The following RANBP17 variants were observed in gnomAD, a reference collection of about 807,000 sequenced individuals.
RANBP17 encodes the protein ran-binding protein 17.
In RANBP17, 158 loss-of-function variants were observed where a neutral mutation model predicts 141.2. The ratio of observed to expected loss-of-function variants is 1.12; its 90% CI spans 0.98 to 1.28. The LOEUF is 1.28. Ranked by LOEUF, RANBP17 falls within the 50% of genes most tolerant of loss-of-function variation. The pLI is 0.00. For missense variants in RANBP17, 1,438 were observed against 1,290.7 expected (o/e 1.11, Z -1.75); for synonymous variants, 430 against 450.0 (o/e 0.96, Z 0.56).
chr5:171,022,190 T>A (rs1780908818), intron 14 of RANBP17, among the ~76,000 whole-genome samples: 1 of 152,172 alleles, frequency 6.6e-6, no homozygotes, highest in Non-Finnish European at 1.5e-5. Flanking sequence ...GATCTTTGAC[T>A]TTGAGGGGCG....
intron 14 of RANBP17, among the ~76,000 whole-genome samples, chr5:171,152,523 G>A (rs952006128): frequency 6.6e-6 from 1 of 152,018 alleles, no homozygotes; most frequent in Non-Finnish European, 1.5e-5. Context: ...CTTGTCCTAG[G>A]GTTCTTCCCA....
At chr5:171,127,663 TCTC>T (rs1043428439) in intron 14 of RANBP17, among the ~76,000 whole-genome samples, 11 of 152,294 alleles carry the variant, frequency 7.2e-5, no homozygotes, top group Admixed American at 7.2e-4. Context: ...TGAAGTGTCT[TCTC>T]ATCGCAGTTA....
intron 18 of RANBP17, 54 bp from the exon 19 acceptor site, chr5:171,199,616 A>G (rs1457299355): frequency 9.1e-7 from 1 of 1,101,596 alleles, no homozygotes; most frequent in East Asian, 2.4e-5. Context: ...TGCTGAGGAC[A>G]ATGTACAATT....
intron 24 of RANBP17, chr5:171,252,964 C>T: frequency 7.0e-7 from 1 of 1,429,974 alleles, no homozygotes; most frequent in Non-Finnish European, 9.8e-7. Flanking sequence ...TGGTTACATC[C>T]TTTTCTATCA....
rs544308170 is a variant in RANBP17, at chr5:171,055,483, G to A, written c.1710+87106G>A. Among the ~76,000 whole-genome samples, 3 of 152,160 alleles carry A rather than the reference G, an allele frequency of 2.0e-5. No homozygotes were observed. In the South Asian group the frequency reaches 6.2e-4, roughly 32 times the overall value. On this transcript the variant is annotated intron_variant, in intron 14 of 27. Coordinates refer to ENST00000523189, the MANE Select transcript of RANBP17 (RefSeq NM_022897.5). ...ATTCTTATACTTGGCCTGATTATTTGTATAAAGTTCAGCAAGAATAATTAA... is the reference window on the plus strand; with the variant it reads ...ATTCTTATACTTGGCCTGATTATTTATATAAAGTTCAGCAAGAATAATTAA...
intron 14 of RANBP17, among the ~76,000 whole-genome samples, chr5:171,067,894 C>A (rs551752375): frequency 2.6e-5 from 4 of 152,068 alleles, no homozygotes; most frequent in Non-Finnish European, 5.9e-5. Context: ...ATTCACTGAG[C>A]TTCTGGGATT....
At chr5:171,014,133 T>C (rs956681386) in intron 14 of RANBP17, among the ~76,000 whole-genome samples, 8 of 152,128 alleles carry the variant, frequency 5.3e-5, no homozygotes, top group Non-Finnish European at 1.2e-4. Flanking sequence ...TTGATATTAA[T>C]ATAGCAACTT....
chr5:171,260,126 C>G (rs56356003), intron 24 of RANBP17, among the ~76,000 whole-genome samples: 18,043 of 151,580 alleles, frequency 0.12, 1,353 homozygotes, highest in East Asian at 0.16. Context: ...ATACTGAAAC[C>G]CTGTCTCTAC....
At chr5:171,106,956 C>T (rs1754884341) in intron 14 of RANBP17, among the ~76,000 whole-genome samples, 1 of 152,120 alleles carries the variant, frequency 6.6e-6, no homozygotes, top group South Asian at 2.1e-4. Context: ...AAAAGATACT[C>T]ATACTTGGGC....
intron 12 of RANBP17, among the ~76,000 whole-genome samples, chr5:170,935,119 T>C (rs1346262313): frequency 6.6e-6 from 1 of 152,336 alleles, no homozygotes. Context: ...TGTGCATGCA[T>C]CACGTAGTTC....
At chr5:170,873,681 G>A (rs996058935) in intron 1 of RANBP17, among the ~76,000 whole-genome samples, 4 of 152,270 alleles carry the variant, frequency 2.6e-5, no homozygotes, top group East Asian at 1.9e-4. Context: ...TGTGGGGTCA[G>A]TAGTGATAAT....
chr5:170,904,689 C>T (rs948778063), intron 5 of RANBP17, among the ~76,000 whole-genome samples: 1 of 152,056 alleles, frequency 6.6e-6, no homozygotes, highest in South Asian at 2.1e-4. Context: ...GAAAAATCTC[C>T]CTTTCTAAAA....
intron 14 of RANBP17, among the ~76,000 whole-genome samples, chr5:170,979,610 A>G (rs902343465): frequency 1.3e-5 from 2 of 152,176 alleles, no homozygotes; most frequent in Non-Finnish European, 1.5e-5. Context: ...TCTGATGGTT[A>G]CTATAAAGGG....
At position 171,073,111 on chromosome 5, in the gene RANBP17, G is replaced by A. The variant is rs74291531; in HGVS notation, c.1711-97019G>A. On this transcript the variant is annotated intron_variant, in intron 14 of 27. Transcript: ENST00000523189. Reference sequence around the variant, plus strand: ...GAACTGTTGTTCTGTGTGGTAATGGGATGGTAGATGGATTCTATCCATTCA... The same window carrying A: ...GAACTGTTGTTCTGTGTGGTAATGGAATGGTAGATGGATTCTATCCATTCA... Among the ~76,000 whole-genome samples the A allele has an allele frequency of 1.4e-3, 215 of 152,226 alleles. 3 individuals are homozygous for A. In the East Asian group the frequency reaches 0.037, roughly 26 times the overall value.
At chr5:170,896,607 A>T (rs1422222365) in intron 5 of RANBP17, among the ~76,000 whole-genome samples, 1 of 152,084 alleles carries the variant, frequency 6.6e-6, no homozygotes, top group East Asian at 1.9e-4. Context: ...AGGCAGGGGG[A>T]TCACCTGAGG....
intron 14 of RANBP17, among the ~76,000 whole-genome samples, chr5:170,992,698 C>G (rs1461011581): frequency 2.0e-5 from 3 of 151,934 alleles, no homozygotes; most frequent in Middle Eastern, 3.2e-3. Flanking sequence ...GGGTTTGTTT[C>G]TGTGGAGGGT....
chr5:171,241,118 G>C lies in RANBP17; in HGVS notation c.2613G>C (p.Leu871=), dbSNP rs980606919. The change falls in exon 23 of 28, where the codon CTG becomes CTC. Residue 871 remains leucine (L), a synonymous_variant. Coordinates refer to ENST00000523189, the MANE Select transcript of RANBP17 (RefSeq NM_022897.5). ...NVLQAFVKML[L]SVSHSDLLQY... Reference sequence around the variant, plus strand: ...TCCAGGCTTTTGTCAAAATGCTGCTGTCAGTGTCCCACAGTGACTTGCTAG... The same window carrying C: ...TCCAGGCTTTTGTCAAAATGCTGCTCTCAGTGTCCCACAGTGACTTGCTAG... The C allele has an allele frequency of 4.3e-6, 7 of 1,613,284 alleles. No homozygotes were observed. Among genetic ancestry groups the C allele is most frequent in the Non-Finnish European group, 5.9e-6 (7 of 1,179,532 alleles).
intron 14 of RANBP17, among the ~76,000 whole-genome samples, chr5:171,125,311 A>AG (rs1756355226): frequency 1.3e-5 from 2 of 150,596 alleles, no homozygotes; most frequent in Non-Finnish European, 3.0e-5. Context: ...AAAAAAAAAA[A>AG]AAAAGAAAGT....
At chr5:171,048,833 G>A (rs1264511206) in intron 14 of RANBP17, among the ~76,000 whole-genome samples, 1 of 152,148 alleles carries the variant, frequency 6.6e-6, no homozygotes, top group East Asian at 1.9e-4. Flanking sequence ...TGGCTGCATA[G>A]TAGTGCACAG....
Sources: gnomAD v4.1 joint callset for allele counts (sites outside exome capture counted in the v4.1 genomes callset) on GRCh38, gnomAD v4.1.1 for gene constraint, MANE v1.5 for transcripts, NCBI Gene and HGNC (gene_info 2026-07-23, HGNC 2026-07-21) for gene names.